ATP6V0D2: variants seen among roughly 807,000 people sequenced by gnomAD.
ATP6V0D2 encodes ATPase H+ transporting V0 subunit d2, also known as V-type proton ATPase subunit d 2.
Under a neutral mutation model 40.0 loss-of-function variants are expected in ATP6V0D2, and 40 were observed. The ratio of observed to expected loss-of-function variants is 1.00; its 90% CI spans 0.78 to 1.30. The LOEUF is 1.30. Ranked by LOEUF, ATP6V0D2 falls within the 50% of genes most tolerant of loss-of-function variation. The probability of loss-of-function intolerance (pLI) is 0.00; values close to 1 mark genes in which losing one functional copy is unlikely to be tolerated. For missense variants in ATP6V0D2, 470 were observed against 423.1 expected (o/e 1.11, Z -0.97); for synonymous variants, 179 against 156.3 (o/e 1.15, Z -1.08).
intron 2 of ATP6V0D2, among the ~76,000 whole-genome samples, chr8:86,135,554 A>T (rs1400755437): frequency 6.6e-6 from 1 of 152,166 alleles, no homozygotes; most frequent in Non-Finnish European, 1.5e-5. Flanking sequence ...TACAGCATTG[A>T]GTTGTTGTGA....
chr8:86,114,686 A>AAATT (rs1008031390), intron 2 of ATP6V0D2, among the ~76,000 whole-genome samples: 1 of 151,946 alleles, frequency 6.6e-6, no homozygotes, highest in African/African-American at 2.4e-5. Flanking sequence ...AAAATAAATT[A>AAATT]AAAAAATTGA....
At chr8:86,125,389 C>T (rs73688593) in intron 2 of ATP6V0D2, among the ~76,000 whole-genome samples, 3,518 of 152,220 alleles carry the variant, frequency 0.023, 142 homozygotes, top group African/African-American at 0.078. Context: ...AGGATGGAGA[C>T]TGAAATCCAC....
At chr8:86,104,972 C>G (rs1818450832) in intron 1 of ATP6V0D2, among the ~76,000 whole-genome samples, 1 of 152,080 alleles carries the variant, frequency 6.6e-6, no homozygotes, top group African/African-American at 2.4e-5. Flanking sequence ...TTTGCCTTTT[C>G]TAGAGCTGCA....
chr8:86,128,872 A>G (rs76316480), intron 2 of ATP6V0D2, among the ~76,000 whole-genome samples: 2,107 of 152,306 alleles, frequency 0.014, 48 homozygotes, highest in African/African-American at 0.048. Flanking sequence ...ACCACAACTG[A>G]CATGATAATC....
intron 2 of ATP6V0D2, among the ~76,000 whole-genome samples, chr8:86,128,312 G>A (rs958773401): frequency 6.6e-6 from 1 of 152,154 alleles, no homozygotes; most frequent in South Asian, 2.1e-4. Flanking sequence ...TCACATCATT[G>A]CACTCCGGCC....
At chr8:86,100,463 A>G (rs1818382526) in intron 1 of ATP6V0D2, among the ~76,000 whole-genome samples, 1 of 152,174 alleles carries the variant, frequency 6.6e-6, no homozygotes, top group African/African-American at 2.4e-5. Context: ...CAGTCTCCTC[A>G]ATTAGGGCTG....
At chr8:86,107,044 AT>A (rs1316557195) in intron 1 of ATP6V0D2, among the ~76,000 whole-genome samples, 40 of 151,572 alleles carry the variant, frequency 2.6e-4, no homozygotes, top group African/African-American at 8.5e-4. Flanking sequence ...TAAAAAAAAA[AT>A]GACACCATTT....
chr8:86,101,462 G>GAAAAAAAAAAAAAAAAAAAAAAA (rs59915079), intron 1 of ATP6V0D2, among the ~76,000 whole-genome samples: 1 of 78,196 alleles, frequency 1.3e-5, no homozygotes, highest in Non-Finnish European at 2.5e-5. Context: ...CCTGTCTCAG[G>GAAAAAAAAAAAAAAAAAAAAAAA]AAAAAAAAAA....
intron 2 of ATP6V0D2, among the ~76,000 whole-genome samples, chr8:86,129,170 AAAACTGAAG>A (rs1479584229): frequency 6.6e-6 from 1 of 152,246 alleles, no homozygotes; most frequent in Non-Finnish European, 1.5e-5. Context: ...TTTTCATTTC[AAAACTGAAG>A]AAACTGAACT....
chr8:86,100,827 C>A, intron 1 of ATP6V0D2, among the ~76,000 whole-genome samples: 1 of 143,160 alleles, frequency 7.0e-6, no homozygotes. Context: ...AATTTAAATG[C>A]AAGGAATACA....
Position 86,147,359 on chromosome 8 carries a change from C to CA in ATP6V0D2, c.640-2745dup, listed in dbSNP as rs1399394328. On this transcript the variant is annotated intron_variant, in intron 5 of 7. Coordinates refer to ENST00000285393, the MANE Select transcript of ATP6V0D2 (RefSeq NM_152565.1). ...AGTTCATTGCTATCTCTTGAAATAA[C>CA]AAAAAAAATAAGGTCTAGTTTTAAC... 3.3e-5 allele frequency among the ~76,000 whole-genome samples: 5 copies of CA among 151,752 alleles called. No homozygotes were observed. In the South Asian group the frequency reaches 6.3e-4, roughly 19 times the overall value.
chr8:86,125,954 C>G (rs7813727), intron 2 of ATP6V0D2, among the ~76,000 whole-genome samples: 1 of 148,280 alleles, frequency 6.7e-6, no homozygotes, highest in Non-Finnish European at 1.5e-5. Flanking sequence ...ATTTGTTTTT[C>G]TGAGACAGAG....
intron 1 of ATP6V0D2, among the ~76,000 whole-genome samples, chr8:86,108,836 C>T (rs1001989212): frequency 3.9e-5 from 6 of 152,208 alleles, no homozygotes; most frequent in African/African-American, 1.4e-4. Context: ...TCCCTTCATG[C>T]AGTGACCACA....
At chr8:86,130,858 C>T (rs1418696276) in intron 2 of ATP6V0D2, among the ~76,000 whole-genome samples, 2 of 152,112 alleles carry the variant, frequency 1.3e-5, no homozygotes, top group African/African-American at 4.8e-5. Flanking sequence ...AACGACCCCC[C>T]ACCCCAGTTC....
chr8:86,104,398 G>A (rs1818440664), intron 1 of ATP6V0D2, among the ~76,000 whole-genome samples: 1 of 151,838 alleles, frequency 6.6e-6, no homozygotes, highest in South Asian at 2.1e-4. Flanking sequence ...GCATTTAAAA[G>A]GAAAAACGCA....
chr8:86,151,166 A>G (rs902228418), intron 6 of ATP6V0D2, among the ~76,000 whole-genome samples: 2 of 152,202 alleles, frequency 1.3e-5, no homozygotes, highest in African/African-American at 4.8e-5. Flanking sequence ...CTGAGCTTCT[A>G]TAATGTACCT....
chr8:86,132,122 T>A (rs1034741895), intron 2 of ATP6V0D2, among the ~76,000 whole-genome samples: 2 of 152,298 alleles, frequency 1.3e-5, no homozygotes, highest in African/African-American at 2.4e-5. Context: ...TACACCATAC[T>A]ATGATGTATA....
intron 5 of ATP6V0D2, 42 bp downstream of exon 5, chr8:86,142,996 C>A: frequency 1.5e-6 from 2 of 1,378,438 alleles, no homozygotes; most frequent in Non-Finnish European, 2.0e-6. Flanking sequence ...AAATAAGGTG[C>A]TTACATATTT....
rs755369769 is a variant in ATP6V0D2, at chr8:86,150,210, ACT to A, written c.741_742del (p.Tyr248SerfsTer2). The A allele has an allele frequency of 1.9e-6, 3 of 1,613,092 alleles. No homozygotes were observed. Among genetic ancestry groups the A allele is most frequent in the Admixed American group, 1.7e-5 (1 of 59,876 alleles). On this transcript the variant is annotated frameshift_variant, in exon 6 of 8. Coordinates refer to ENST00000285393, the MANE Select transcript of ATP6V0D2 (RefSeq NM_152565.1). LOFTEE classifies it high-confidence loss of function. ...RETLYPTFGK[L>X]YPEGLRLLAQ... is the part of the protein sequence containing the mutation. The stretch of plus-strand genomic sequence containing the variant: ...AGACCCTCTATCCAACCTTCGGCAA[ACT>A]CTATCCTGAGGGGTTGCGGCTGTTG...
Sources: gnomAD v4.1 joint callset for allele counts (sites outside exome capture counted in the v4.1 genomes callset) on GRCh38, gnomAD v4.1.1 for gene constraint, MANE v1.5 for transcripts, NCBI Gene and HGNC (gene_info 2026-07-23, HGNC 2026-07-21) for gene names.